The following S100Z variants were observed in gnomAD, a reference collection of about 807,000 sequenced individuals.
S100Z encodes protein S100-Z.
Under a neutral mutation model 8.5 loss-of-function variants are expected in S100Z, and 11 were observed. The observed-to-expected ratio is 1.30, with a 90% CI of 0.82 to 2.15. The LOEUF is 2.15. Ranked by LOEUF, S100Z falls within the 30% of genes most tolerant of loss-of-function variation. S100Z has a pLI of 0.00. For missense variants in S100Z, 126 were observed against 117.9 expected (o/e 1.07, Z -0.32); for synonymous variants, 34 against 43.8 (o/e 0.78, Z 0.89).
intron 4 of S100Z, among the ~76,000 whole-genome samples, chr5:76,917,695 T>C (rs1419764686): frequency 1.3e-5 from 2 of 152,030 alleles, no homozygotes; most frequent in African/African-American, 4.8e-5. Flanking sequence ...TAGTGGCACA[T>C]GCCTGTAATC....
At chr5:76,948,640 A>G in the S100Z span, among the ~76,000 whole-genome samples, 1 of 152,192 alleles carries the variant, frequency 6.6e-6, no homozygotes, top group East Asian at 1.9e-4. Flanking sequence ...ATCACCTCGA[A>G]ACTGTTCAGA....
rs1215240112 is a variant in S100Z, at chr5:76,921,089, T to C, written c.*375T>C. 2.0e-5 allele frequency: 3 copies of C among 152,250 alleles called. No homozygotes were observed. Among genetic ancestry groups the C allele is most frequent in the African/African-American group, 4.8e-5 (2 of 41,474 alleles). The allele number at this position is 152,250 out of a possible 1,614,324, so 9.4% of individuals were successfully genotyped here. A position where few individuals can be genotyped will look rare whatever the true frequency, so the allele number is the denominator to read the frequency against. ...CAAATGTAATCTCATTACCCAGATA[T>C]AATCACTGTTAACTTCTTCATTCGA... On this transcript the variant is annotated 3_prime_UTR_variant, in exon 5 of 5. Transcript: ENST00000317593.
At chr5:76,895,765 C>CTTTTTTT (rs57723242) in intron 4 of S100Z, among the ~76,000 whole-genome samples, 2 of 88,336 alleles carry the variant, frequency 2.3e-5, no homozygotes, top group African/African-American at 7.5e-5. Flanking sequence ...TCTTTTCTTC[C>CTTTTTTT]TTTTTTTTTT....
intron 4 of S100Z, among the ~76,000 whole-genome samples, chr5:76,898,495 G>T (rs1266861382): frequency 4.6e-5 from 7 of 152,078 alleles, no homozygotes; most frequent in Admixed American, 4.6e-4. Flanking sequence ...CCAGTTTTTT[G>T]AGGGTTTTTA....
chr5:76,913,570 C>A (rs10942798), intron 4 of S100Z, among the ~76,000 whole-genome samples: 2 of 151,654 alleles, frequency 1.3e-5, no homozygotes, highest in African/African-American at 2.4e-5. Flanking sequence ...CCCAAACTTA[C>A]AAGATTTTCA....
intron 4 of S100Z, among the ~76,000 whole-genome samples, chr5:76,916,313 A>G (rs1341155109): frequency 6.6e-6 from 1 of 152,184 alleles, no homozygotes; most frequent in Non-Finnish European, 1.5e-5. Context: ...AGTATTGAAA[A>G]GAGAAACAGA....
chr5:76,901,239 A>T (rs1176282861), intron 4 of S100Z, among the ~76,000 whole-genome samples: 2 of 152,192 alleles, frequency 1.3e-5, no homozygotes, highest in African/African-American at 2.4e-5. Context: ...AATACTGCCT[A>T]TGTTCACTCA....
At chr5:76,904,029 C>G (rs932239400) in intron 4 of S100Z, among the ~76,000 whole-genome samples, 21 of 151,910 alleles carry the variant, frequency 1.4e-4, no homozygotes, top group Non-Finnish European at 4.4e-5. Flanking sequence ...GCCACTGTGC[C>G]CGGCCGACAT....
In S100Z at chr5:76,915,507, C is replaced by G. The variant is rs575334846; in HGVS notation, c.*3-5210C>G. On this transcript the variant is annotated intron_variant, in intron 4 of 4. Transcript: ENST00000317593. ...TCTGTAGTCCTGGCTACTCCGGAGG[C>G]TAAGGCAGGAGAATGGCGTGAACCC... Among the ~76,000 whole-genome samples, 3 of 151,720 alleles carry G rather than the reference C, an allele frequency of 2.0e-5. No individual in the cohort carries two copies. The South Asian group carries it at 6.3e-4, about 32-fold the overall frequency.
intron 4 of S100Z, among the ~76,000 whole-genome samples, chr5:76,904,300 T>G (rs540201133): frequency 1.3e-5 from 2 of 152,194 alleles, no homozygotes; most frequent in South Asian, 4.1e-4. Context: ...GCTCAAGTGA[T>G]CCTCCCACCT....
chr5:76,907,021 T>TAC (rs1376983849), intron 4 of S100Z, among the ~76,000 whole-genome samples: 10 of 108,706 alleles, frequency 9.2e-5, no homozygotes, highest in East Asian at 5.6e-4. Flanking sequence ...TATATATATA[T>TAC]ATACATATAT....
At chr5:76,898,573 A>G (rs779573803) in intron 4 of S100Z, among the ~76,000 whole-genome samples, 5 of 152,086 alleles carry the variant, frequency 3.3e-5, no homozygotes, top group Non-Finnish European at 7.4e-5. Context: ...TATGGTTTTT[A>G]TCCTTCATTT....
chr5:76,943,057 C>T, the S100Z span, among the ~76,000 whole-genome samples: 5 of 152,180 alleles, frequency 3.3e-5, no homozygotes, highest in African/African-American at 9.6e-5. Context: ...ATGTGCACAA[C>T]GTGCAGGTTT....
At chr5:76,911,730 C>T (rs578211555) in intron 4 of S100Z, among the ~76,000 whole-genome samples, 4 of 152,326 alleles carry the variant, frequency 2.6e-5, no homozygotes, top group South Asian at 2.1e-4. Context: ...GTGCCTAGAT[C>T]GAAGGCCCAG....
At chr5:76,931,444 CTCA>C in the S100Z span, among the ~76,000 whole-genome samples, 1 of 152,062 alleles carries the variant, frequency 6.6e-6, no homozygotes, top group Non-Finnish European at 1.5e-5. Context: ...GGACAATAAT[CTCA>C]TCATGAGGTC....
chr5:76,850,055 C>T lies in S100Z; in HGVS notation c.-276C>T, dbSNP rs935096401. 1.3e-5 allele frequency: 2 copies of T among 152,224 alleles called. No individual in the cohort carries two copies. Among genetic ancestry groups the T allele is most frequent in the Non-Finnish European group, 2.9e-5 (2 of 68,092 alleles). 9.4% of individuals were successfully genotyped at this position (152,224 alleles called of 1,614,324 possible). On this transcript the variant is annotated 5_prime_UTR_variant, in exon 1 of 5. Transcript: ENST00000317593. ...ACTACTCACAGCAGGGCCTCTTGCT[C>T]GCTCTAGCTGCTGGGAGGAAAACGG...
chr5:76,892,543 A>C (rs569046563), intron 4 of S100Z, among the ~76,000 whole-genome samples: 11 of 150,598 alleles, frequency 7.3e-5, no homozygotes, highest in African/African-American at 2.5e-4. Flanking sequence ...GGCATGCATA[A>C]CAAAAAGCAC....
the S100Z span, among the ~76,000 whole-genome samples, chr5:76,936,476 A>G: frequency 5.3e-5 from 8 of 152,100 alleles, no homozygotes; most frequent in Non-Finnish European, 1.0e-4. Flanking sequence ...TTATATTTTA[A>G]ACAATTTTTT....
chr5:76,871,064 G>C (rs1296397498), intron 2 of S100Z, among the ~76,000 whole-genome samples: 1 of 152,186 alleles, frequency 6.6e-6, no homozygotes, highest in Non-Finnish European at 1.5e-5. Context: ...TCCAGGCCTT[G>C]ATGGGAAGAG....
Sources: gnomAD v4.1 joint callset for allele counts (sites outside exome capture counted in the v4.1 genomes callset) on GRCh38, gnomAD v4.1.1 for gene constraint, MANE v1.5 for transcripts, NCBI Gene and HGNC (gene_info 2026-07-23, HGNC 2026-07-21) for gene names.